Variants in CDH13 observed in about 807,000 individuals in gnomAD.
The protein encoded by CDH13 is cadherin-13.
Under a neutral mutation model 63.8 loss-of-function variants are expected in CDH13, and 24 were observed. The ratio of observed to expected loss-of-function variants is 0.38; its 90% CI spans 0.27 to 0.53. The LOEUF is 0.53. Among genes scored for constraint, CDH13 ranks in the 20% least tolerant of loss-of-function variants. CDH13 has a pLI of 0.85. For missense variants in CDH13, 1,049 were observed against 903.1 expected (o/e 1.16, Z -2.07); for synonymous variants, 503 against 355.3 (o/e 1.42, Z -4.67).
At chr16:83,133,109 C>A (rs974782044) in intron 4 of CDH13, among the ~76,000 whole-genome samples, 1 of 152,190 alleles carries the variant, frequency 6.6e-6, no homozygotes. Context: ...GTTATAAAGT[C>A]TTTACTAATT....
intron 3 of CDH13, among the ~76,000 whole-genome samples, chr16:83,088,643 T>G (rs566559221): frequency 1.3e-5 from 2 of 152,340 alleles, no homozygotes; most frequent in East Asian, 3.9e-4. Context: ...AGTATTTACA[T>G]TCTTCATATA....
chr16:83,518,988 A>G (rs981422016), intron 7 of CDH13, among the ~76,000 whole-genome samples: 1 of 152,166 alleles, frequency 6.6e-6, no homozygotes, highest in Non-Finnish European at 1.5e-5. Context: ...CTAATATACC[A>G]GACTCTACAG....
chr16:82,798,379 GCTTT>G (rs1236811617), intron 1 of CDH13, among the ~76,000 whole-genome samples: 1 of 152,158 alleles, frequency 6.6e-6, no homozygotes, highest in Non-Finnish European at 1.5e-5. Flanking sequence ...CCAGATGAAA[GCTTT>G]CTTTTTTCCC....
intron 8 of CDH13, among the ~76,000 whole-genome samples, chr16:83,636,818 T>G (rs1430363318): frequency 6.6e-6 from 1 of 152,130 alleles, no homozygotes; most frequent in Non-Finnish European, 1.5e-5. Flanking sequence ...AACTCTTAGG[T>G]CTTTGAGAAA....
intron 1 of CDH13, among the ~76,000 whole-genome samples, chr16:82,738,354 C>A (rs531841770): frequency 6.6e-6 from 1 of 152,212 alleles, no homozygotes; most frequent in Admixed American, 6.5e-5. Context: ...TCCTGTCAAA[C>A]TCTAGGAATG....
At chr16:82,864,833 A>G (rs2040068475) in intron 2 of CDH13, among the ~76,000 whole-genome samples, 1 of 152,216 alleles carries the variant, frequency 6.6e-6, no homozygotes, top group South Asian at 2.1e-4. Flanking sequence ...GTCCAAGTCC[A>G]AAGTCTCAAC....
intron 8 of CDH13, among the ~76,000 whole-genome samples, chr16:83,622,867 C>G (rs76272721): frequency 0.11 from 16,050 of 152,206 alleles, 1,025 homozygotes; most frequent in Non-Finnish European, 0.15. Context: ...GCATGCCTAC[C>G]AAACACAGGC....
intron 7 of CDH13, among the ~76,000 whole-genome samples, chr16:83,537,316 T>G (rs1469529593): frequency 6.6e-6 from 1 of 152,178 alleles, no homozygotes; most frequent in Non-Finnish European, 1.5e-5. Flanking sequence ...GCACAAAAAT[T>G]TGTCCTGCTA....
chr16:83,073,350 TGTGTGA>T (rs1030593829), intron 3 of CDH13, among the ~76,000 whole-genome samples: 29 of 126,688 alleles, frequency 2.3e-4, no homozygotes, highest in East Asian at 1.2e-3. Context: ...TGTGTGTGTG[TGTGTGA>T]GAGAGAGAGA....
intron 10 of CDH13, among the ~76,000 whole-genome samples, chr16:83,727,569 G>C (rs147795684): frequency 6.6e-6 from 1 of 151,686 alleles, no homozygotes; most frequent in Non-Finnish European, 1.5e-5. Context: ...CAACCTTCCC[G>C]CATTGAGAAA....
intron 1 of CDH13, among the ~76,000 whole-genome samples, chr16:82,631,485 C>T (rs576265249): frequency 6.6e-6 from 1 of 152,336 alleles, no homozygotes; most frequent in Admixed American, 6.5e-5. Flanking sequence ...CAGAATCAAA[C>T]CAAGTGACCA....
At chr16:83,685,068 C>G (rs187536833) in intron 10 of CDH13, among the ~76,000 whole-genome samples, 1 of 152,206 alleles carries the variant, frequency 6.6e-6, no homozygotes, top group East Asian at 1.9e-4. Context: ...TTCCAGACAG[C>G]AGGATGGGAA....
intron 6 of CDH13, among the ~76,000 whole-genome samples, chr16:83,423,432 C>T (rs903858779): frequency 1.3e-5 from 2 of 151,900 alleles, no homozygotes; most frequent in African/African-American, 4.8e-5. Context: ...AAGGAAATTC[C>T]AGGAATCCTT....
chr16:83,493,727 C>G (rs1272446797), intron 7 of CDH13, among the ~76,000 whole-genome samples: 2 of 152,322 alleles, frequency 1.3e-5, no homozygotes, highest in African/African-American at 4.8e-5. Context: ...TAGCTATATC[C>G]TACTGTAAAT....
At chr16:82,804,822 A>G (rs971883984) in intron 1 of CDH13, among the ~76,000 whole-genome samples, 54 of 152,246 alleles carry the variant, frequency 3.5e-4, no homozygotes, top group African/African-American at 1.2e-3. Flanking sequence ...AGCTGTATAT[A>G]AATTGTAAAA....
rs555439510 is a variant in CDH13, at chr16:82,981,208, G to C, written c.158-50802G>C. 2.5e-3 allele frequency among the ~76,000 whole-genome samples: 386 copies of C among 152,198 alleles called. 1 individual carries two copies. Among genetic ancestry groups the C allele is most frequent in the Middle Eastern group, 0.017 (5 of 294 alleles). On this transcript the variant is annotated intron_variant, in intron 2 of 13. Coordinates refer to ENST00000567109, the MANE Select transcript of CDH13 (RefSeq NM_001257.5). ...CAATAGTAATAAACTTCCACTTTCC[G>C]TTTCACCAGCATATCTCAAAACTAA...
intron 2 of CDH13, among the ~76,000 whole-genome samples, chr16:83,022,770 AT>A (rs1472163166): frequency 6.6e-6 from 1 of 152,196 alleles, no homozygotes; most frequent in Non-Finnish European, 1.5e-5. Context: ...GTGCAGACAC[AT>A]TTGCAAAGCC....
chr16:82,728,360 C>T (rs771802817), intron 1 of CDH13, among the ~76,000 whole-genome samples: 3 of 152,028 alleles, frequency 2.0e-5, no homozygotes, highest in African/African-American at 7.2e-5. Context: ...CCCAGCGACA[C>T]GGTACAGGCA....
At chr16:83,119,326 G>A (rs1046139671) in intron 3 of CDH13, among the ~76,000 whole-genome samples, 1 of 152,016 alleles carries the variant, frequency 6.6e-6, no homozygotes, top group African/African-American at 2.4e-5. Flanking sequence ...AGCTACTCTT[G>A]TATATGAGTG....
Sources: allele counts gnomAD v4.1 joint callset (sites outside exome capture counted in the v4.1 genomes callset), GRCh38; gene constraint gnomAD v4.1.1; transcripts MANE v1.5; gene names NCBI Gene and HGNC (gene_info 2026-07-23, HGNC 2026-07-21).